LOC128462377: variants seen among roughly 807,000 people sequenced by gnomAD.
chr16:89,413,098 C>T, the LOC128462377 span, among the ~76,000 whole-genome samples: 1 of 152,146 alleles, frequency 6.6e-6, no homozygotes, highest in Non-Finnish European at 1.5e-5. Flanking sequence ...GCCGCTCAGC[C>T]ACAAGTGCCC....
the LOC128462377 span, among the ~76,000 whole-genome samples, chr16:89,323,516 G>A: frequency 8.4e-5 from 8 of 95,280 alleles, no homozygotes; most frequent in Non-Finnish European, 1.2e-4. Context: ...GGGCAGGGGG[G>A]CTGAGCCGAG....
the LOC128462377 span, among the ~76,000 whole-genome samples, chr16:89,329,929 G>A: frequency 2.6e-4 from 39 of 152,090 alleles, no homozygotes; most frequent in African/African-American, 9.4e-4. Context: ...GGCAGAGGCT[G>A]CCGTGAGCAG....
chr16:89,354,060 G>A, the LOC128462377 span, among the ~76,000 whole-genome samples: 1 of 152,086 alleles, frequency 6.6e-6, no homozygotes, highest in Non-Finnish European at 1.5e-5. Context: ...CAGGGCTCTC[G>A]GGAGCTGCCC....
chr16:89,407,668 T>TACAC, the LOC128462377 span, among the ~76,000 whole-genome samples: 826 of 150,798 alleles, frequency 5.5e-3, 6 homozygotes, highest in African/African-American at 0.019. Context: ...CAAACACACA[T>TACAC]ACACACACAC....
chr16:89,417,341 C>A, the LOC128462377 span, among the ~76,000 whole-genome samples: 5 of 152,286 alleles, frequency 3.3e-5, no homozygotes, highest in Admixed American at 2.0e-4. Flanking sequence ...TCACACCTGG[C>A]CAAAATATGA....
At chr16:89,415,542 G>T in the LOC128462377 span, among the ~76,000 whole-genome samples, 1 of 151,786 alleles carries the variant, frequency 6.6e-6, no homozygotes, top group African/African-American at 2.4e-5. Context: ...GGGATTACAG[G>T]TGTGAGCCAC....
At chr16:89,398,322 A>G in the LOC128462377 span, among the ~76,000 whole-genome samples, 1 of 135,520 alleles carries the variant, frequency 7.4e-6, no homozygotes, top group African/African-American at 2.8e-5. Flanking sequence ...ACACTGTGAA[A>G]CAGCTGAAGA....
At chr16:89,342,173 A>G in the LOC128462377 span, among the ~76,000 whole-genome samples, 1 of 152,238 alleles carries the variant, frequency 6.6e-6, no homozygotes, top group African/African-American at 2.4e-5. Flanking sequence ...TGGGCCTCAA[A>G]GCACAACACA....
At chr16:89,410,040 G>A in the LOC128462377 span, among the ~76,000 whole-genome samples, 1 of 152,008 alleles carries the variant, frequency 6.6e-6, no homozygotes, top group African/African-American at 2.4e-5. Flanking sequence ...GGGTTTTCAC[G>A]GTGTGAGCCA....
At chr16:89,349,506 A>G in the LOC128462377 span, among the ~76,000 whole-genome samples, 1 of 152,152 alleles carries the variant, frequency 6.6e-6, no homozygotes, top group South Asian at 2.1e-4. Context: ...GACCCACATA[A>G]ATATATAGTC....
At chr16:89,334,016 A>C in the LOC128462377 span, among the ~76,000 whole-genome samples, 4 of 151,960 alleles carry the variant, frequency 2.6e-5, no homozygotes, top group Admixed American at 6.6e-5. Context: ...TCAATCTATA[A>C]AATACAGAAA....
the LOC128462377 span, among the ~76,000 whole-genome samples, chr16:89,350,154 T>C: frequency 6.6e-6 from 1 of 152,168 alleles, no homozygotes; most frequent in Admixed American, 6.5e-5. Flanking sequence ...TTCACTAGAA[T>C]GGCTAAAATG....
chr16:89,372,304 G>A, the LOC128462377 span, among the ~76,000 whole-genome samples: 96 of 152,274 alleles, frequency 6.3e-4, no homozygotes, highest in African/African-American at 2.2e-3. Context: ...AGGCGGAGGC[G>A]GCGGCAGCGC....
At chr16:89,374,553 G>A in the LOC128462377 span, among the ~76,000 whole-genome samples, 2 of 152,202 alleles carry the variant, frequency 1.3e-5, no homozygotes, top group African/African-American at 4.8e-5. Context: ...CTGTGTGTGT[G>A]AGCTACACTC....
the LOC128462377 span, among the ~76,000 whole-genome samples, chr16:89,384,527 A>G: frequency 2.3e-5 from 3 of 129,150 alleles, no homozygotes; most frequent in Admixed American, 8.2e-5. Context: ...ATGGAACAGG[A>G]TGGGATGGGA....
At chr16:89,323,299 A>T in the LOC128462377 span, 1 of 1,288,914 alleles carries the variant, frequency 7.8e-7, no homozygotes, top group South Asian at 1.2e-5. Flanking sequence ...CTTGAGTGAC[A>T]CACCCTATGA....
the LOC128462377 span, among the ~76,000 whole-genome samples, chr16:89,405,472 G>C: frequency 6.6e-6 from 1 of 150,386 alleles, no homozygotes; most frequent in East Asian, 1.9e-4. Context: ...CTACAGGCAC[G>C]TGCCACCACA....
chr16:89,366,295 C>T, the LOC128462377 span, among the ~76,000 whole-genome samples: 19 of 152,180 alleles, frequency 1.2e-4, no homozygotes, highest in South Asian at 1.0e-3. Context: ...GACATTCGCC[C>T]GCATGTGTCT....
chr16:89,361,269 A>C, the LOC128462377 span, among the ~76,000 whole-genome samples: 2 of 152,230 alleles, frequency 1.3e-5, no homozygotes, highest in African/African-American at 4.8e-5. Context: ...AAGCAGCAGG[A>C]AACGGGGTGA....
Sources: gnomAD v4.1 joint callset for allele counts (sites outside exome capture counted in the v4.1 genomes callset) on GRCh38, gnomAD v4.1.1 for gene constraint, MANE v1.5 for transcripts.